Variants in PODXL observed in about 807,000 individuals in gnomAD.
PODXL encodes the protein podocalyxin like, also known as podocalyxin.
Under a neutral mutation model 48.9 loss-of-function variants are expected in PODXL, and 20 were observed. That is an observed-to-expected ratio of 0.41 (90% CI 0.29 to 0.59). The LOEUF (loss-of-function observed/expected upper bound fraction) is 0.59, where lower values mean the gene tolerates loss of function less well. Among genes scored for constraint, PODXL ranks in the 20% least tolerant of loss-of-function variants. The pLI, the probability that PODXL is intolerant of heterozygous loss-of-function variation, is 0.31. For missense variants in PODXL, 606 were observed against 675.1 expected, an observed-to-expected ratio of 0.90 and a Z score of 1.13; for synonymous variants, 295 against 287.4, an observed-to-expected ratio of 1.03 and a Z score of -0.27.
chr7:131,553,406 C>T (rs1445325261), intron 1 of PODXL, among the ~76,000 whole-genome samples: 1 of 152,174 alleles, frequency 6.6e-6, no homozygotes. Context: ...TCCACTGATA[C>T]CCACAAACAT....
intron 1 of PODXL, among the ~76,000 whole-genome samples, chr7:131,541,356 G>A (rs1798478237): frequency 6.6e-6 from 1 of 152,098 alleles, no homozygotes; most frequent in East Asian, 1.9e-4. Flanking sequence ...GTGGAAGTGG[G>A]GTTGGGGGTG....
At chr7:131,512,343 C>T (rs1797927368) in intron 1 of PODXL, among the ~76,000 whole-genome samples, 1 of 152,102 alleles carries the variant, frequency 6.6e-6, no homozygotes, top group South Asian at 2.1e-4. Context: ...GTCAAATCTG[C>T]TTACTACACG....
chr7:131,529,602 T>C (rs1271622553), intron 1 of PODXL, among the ~76,000 whole-genome samples: 1 of 150,448 alleles, frequency 6.6e-6, no homozygotes, highest in Non-Finnish European at 1.5e-5. Flanking sequence ...CCCCAACTCA[T>C]CTCCACAGAA....
chr7:131,534,512 A>T (rs1798338042), intron 1 of PODXL, among the ~76,000 whole-genome samples: 1 of 151,988 alleles, frequency 6.6e-6, no homozygotes. Context: ...TGTCAGGGCC[A>T]CAGGGGTGGC....
intron 5 of PODXL, among the ~76,000 whole-genome samples, chr7:131,507,558 C>A (rs1000216709): frequency 6.6e-6 from 1 of 152,106 alleles, no homozygotes; most frequent in Non-Finnish European, 1.5e-5. Flanking sequence ...AGCACAGAAC[C>A]CATACAAACC....
chr7:131,534,447 C>T (rs377022915), intron 1 of PODXL, among the ~76,000 whole-genome samples: 10 of 152,322 alleles, frequency 6.6e-5, no homozygotes, highest in African/African-American at 2.4e-4. Context: ...GGGGCAAGGC[C>T]GCCACCTGTG....
chr7:131,555,341 A>G (rs1267239992), intron 1 of PODXL, among the ~76,000 whole-genome samples: 2 of 152,160 alleles, frequency 1.3e-5, no homozygotes, highest in African/African-American at 4.8e-5. Context: ...GCTGTTCCCT[A>G]GGGGCTTAAG....
intron 1 of PODXL, among the ~76,000 whole-genome samples, chr7:131,546,926 ACTGAGGCCCCCAGC>A (rs1207143916): frequency 6.6e-6 from 1 of 152,034 alleles, no homozygotes; most frequent in Non-Finnish European, 1.5e-5. Context: ...GCCTCCCCGC[ACTGAGGCCCCCAGC>A]CTGAGTAATG....
intron 1 of PODXL, among the ~76,000 whole-genome samples, chr7:131,546,654 A>C (rs1798580436): frequency 7.5e-6 from 1 of 133,848 alleles, no homozygotes; most frequent in African/African-American, 2.8e-5. Context: ...TGAACTCCTG[A>C]GGCGGAGGTT....
At chr7:131,506,992 A>G in intron 5 of PODXL, 1 of 456,512 alleles carries the variant, frequency 2.2e-6, no homozygotes, top group South Asian at 3.1e-5. Flanking sequence ...TGCACCTTTC[A>G]TTCCTTTCAC....
chr7:131,531,822 C>G (rs1291645544), intron 1 of PODXL, among the ~76,000 whole-genome samples: 1 of 152,186 alleles, frequency 6.6e-6, no homozygotes, highest in Non-Finnish European at 1.5e-5. Context: ...TTAATAATCA[C>G]ACATTCCAGC....
At chr7:131,526,707 A>G (rs554331409) in intron 1 of PODXL, among the ~76,000 whole-genome samples, 98 of 147,484 alleles carry the variant, frequency 6.6e-4, no homozygotes, top group African/African-American at 2.3e-3. Flanking sequence ...TTAGACGTGT[A>G]CACATATTGT....
chr7:131,539,214 T>C (rs1362271657), intron 1 of PODXL, among the ~76,000 whole-genome samples: 1 of 152,216 alleles, frequency 6.6e-6, no homozygotes, highest in Non-Finnish European at 1.5e-5. Flanking sequence ...AAAAGTGAGC[T>C]CTGCAAATGG....
At chr7:131,541,708 T>C (rs1048348162) in intron 1 of PODXL, among the ~76,000 whole-genome samples, 1 of 149,138 alleles carries the variant, frequency 6.7e-6, no homozygotes, top group Non-Finnish European at 1.5e-5. Context: ...ACCAAGTAAG[T>C]GGATATCATT....
At chr7:131,511,829 C>T (rs1797918805) in intron 1 of PODXL, among the ~76,000 whole-genome samples, 1 of 152,310 alleles carries the variant, frequency 6.6e-6, no homozygotes, top group East Asian at 1.9e-4. Context: ...CGAGCCCAGG[C>T]CAATGAGGCC....
intron 1 of PODXL, among the ~76,000 whole-genome samples, chr7:131,521,403 AGCTCACTG>A (rs1228471622): frequency 6.7e-6 from 1 of 148,570 alleles, no homozygotes; most frequent in Non-Finnish European, 1.5e-5. Flanking sequence ...GTGTGATTTC[AGCTCACTG>A]GCTCACTGCA....
chr7:131,531,741 C>T (rs913074814), intron 1 of PODXL, among the ~76,000 whole-genome samples: 6 of 152,208 alleles, frequency 3.9e-5, no homozygotes, highest in African/African-American at 1.4e-4. Flanking sequence ...AGGGCCCACC[C>T]ACTTAAAACC....
At chr7:131,548,111 C>T (rs1383382826) in intron 1 of PODXL, among the ~76,000 whole-genome samples, 1 of 152,234 alleles carries the variant, frequency 6.6e-6, no homozygotes, top group East Asian at 1.9e-4. Context: ...CAGAAACTGC[C>T]CCTCAGGACC....
intron 1 of PODXL, among the ~76,000 whole-genome samples, chr7:131,530,176 C>T (rs1318845682): frequency 1.4e-5 from 2 of 140,936 alleles, no homozygotes; most frequent in Non-Finnish European, 3.0e-5. Context: ...CTCTCCAGGG[C>T]ACACCTTCTC....
Sources: allele counts gnomAD v4.1 joint callset (sites outside exome capture counted in the v4.1 genomes callset), GRCh38; gene constraint gnomAD v4.1.1; transcripts MANE v1.5; gene names NCBI Gene and HGNC (gene_info 2026-07-23, HGNC 2026-07-21).